The following LRBA variants were observed in gnomAD, a reference collection of about 807,000 sequenced individuals.
The protein encoded by LRBA is lipopolysaccharide-responsive and beige-like anchor protein.
Under a neutral mutation model 330.0 loss-of-function variants are expected in LRBA, and 176 were observed. The ratio of observed to expected loss-of-function variants is 0.53; its 90% confidence interval spans 0.47 to 0.60. The LOEUF (loss-of-function observed/expected upper bound fraction) is 0.60, where lower values mean the gene tolerates loss of function less well. Among genes scored for constraint, LRBA ranks in the 20% least tolerant of loss-of-function variants. The pLI is 0.00. For synonymous variants in LRBA, 1,230 were observed against 1,193.0 expected (o/e 1.03, Z -0.64); for missense variants, 3,259 against 3,444.8 (o/e 0.95, Z 1.35).
chr4:150,629,315 C>T (rs188818791), intron 37 of LRBA, among the ~76,000 whole-genome samples: 13 of 152,328 alleles, frequency 8.5e-5, no homozygotes, highest in Admixed American at 6.5e-4. Context: ...TAAACTACAA[C>T]GGCCCACCAA....
chr4:150,324,246 C>T (rs542279715), intron 49 of LRBA, among the ~76,000 whole-genome samples: 1 of 152,290 alleles, frequency 6.6e-6, no homozygotes, highest in Non-Finnish European at 1.5e-5. Flanking sequence ...TTCCATTTGC[C>T]AGCACCAATG....
chr4:150,439,059 C>T (rs1017071678), intron 44 of LRBA, among the ~76,000 whole-genome samples: 5 of 151,988 alleles, frequency 3.3e-5, no homozygotes, highest in Admixed American at 2.6e-4. Flanking sequence ...GTTACAGAAC[C>T]AATTTGAAAT....
chr4:150,411,849 A>G (rs1747055699), intron 47 of LRBA, among the ~76,000 whole-genome samples: 3 of 152,218 alleles, frequency 2.0e-5, no homozygotes, highest in African/African-American at 7.2e-5. Flanking sequence ...CATGAGCTGC[A>G]ATCATTGCAT....
intron 40 of LRBA, among the ~76,000 whole-genome samples, chr4:150,549,665 T>C (rs1766335972): frequency 6.6e-6 from 1 of 152,228 alleles, no homozygotes; most frequent in African/African-American, 2.4e-5. Flanking sequence ...TAAAGTATTA[T>C]ATCAGTTGAG....
intron 54 of LRBA, among the ~76,000 whole-genome samples, chr4:150,285,344 G>A (rs1012861866): frequency 6.6e-6 from 1 of 152,214 alleles, no homozygotes; most frequent in Non-Finnish European, 1.5e-5. Flanking sequence ...CTGATTTGTT[G>A]CATGTGCTCT....
chr4:151,009,707 G>A (rs1000240561), intron 2 of LRBA, among the ~76,000 whole-genome samples: 4 of 152,100 alleles, frequency 2.6e-5, no homozygotes, highest in East Asian at 1.9e-4. Flanking sequence ...AGAGCAAGGC[G>A]CGGTGGCTCA....
rs1248812494 is a variant in LRBA, at chr4:150,949,036, TA to T, written c.217-19972del. On this transcript the variant is annotated intron_variant, in intron 2 of 56. Transcript: ENST00000651943. ...ATGAAAAAGTTTGGTAATTTCTATTTAAAAAAAAAAAACTAAATATGCACCT... is the reference window on the plus strand; with the variant it reads ...ATGAAAAAGTTTGGTAATTTCTATTTAAAAAAAAAAACTAAATATGCACCT... Among the ~76,000 whole-genome samples the T allele has an allele frequency of 1.6e-3, 233 of 144,938 alleles. 1 individual carries two copies. The highest frequency in any genetic ancestry group is 2.9e-3 in the Non-Finnish European group (187 of 65,398).
At chr4:150,422,786 G>T (rs1749002961) in intron 46 of LRBA, 6 of 1,451,184 alleles carry the variant, frequency 4.1e-6, no homozygotes, top group Non-Finnish European at 4.8e-6. Context: ...GTTCTTTCTG[G>T]TAGACCTGCA....
intron 38 of LRBA, 134 bp downstream of exon 38, chr4:150,598,873 T>C: frequency 9.7e-7 from 1 of 1,029,750 alleles, no homozygotes; most frequent in Non-Finnish European, 1.4e-6. Flanking sequence ...AAAATTTAAC[T>C]TCTCTTTCTG....
intron 40 of LRBA, among the ~76,000 whole-genome samples, chr4:150,559,678 A>T (rs867391265): frequency 7.0e-4 from 59 of 84,036 alleles, no homozygotes; most frequent in African/African-American, 1.1e-3. Flanking sequence ...TATATTATAT[A>T]ATATATTATA....
At chr4:150,835,442 G>A (rs925898156) in intron 28 of LRBA, among the ~76,000 whole-genome samples, 10 of 152,188 alleles carry the variant, frequency 6.6e-5, no homozygotes, top group African/African-American at 2.4e-4. Context: ...CATGAGCATG[G>A]AATGTTTTTC....
At chr4:150,954,430 C>A (rs1238461405) in intron 2 of LRBA, among the ~76,000 whole-genome samples, 5 of 152,168 alleles carry the variant, frequency 3.3e-5, no homozygotes, top group Non-Finnish European at 5.9e-5. Context: ...AGGAAAAATT[C>A]TTCTGCCTTG....
intron 41 of LRBA, among the ~76,000 whole-genome samples, chr4:150,489,252 T>C (rs1438146912): frequency 1.6e-5 from 1 of 60,958 alleles, no homozygotes; most frequent in African/African-American, 6.8e-5. Flanking sequence ...ATATATAATA[T>C]ATTATATATA....
At chr4:150,696,386 C>T (rs1034631599) in intron 36 of LRBA, among the ~76,000 whole-genome samples, 1 of 152,180 alleles carries the variant, frequency 6.6e-6, no homozygotes, top group Admixed American at 6.5e-5. Flanking sequence ...GGTTTTGACA[C>T]ATTCATGCTT....
At chr4:150,828,763 T>G in intron 29 of LRBA, 142 bp from the exon 30 acceptor site, 1 of 672,320 alleles carries the variant, frequency 1.5e-6, no homozygotes, top group Non-Finnish European at 2.5e-6. Flanking sequence ...ACTAATTACG[T>G]ATTCTACAGA....
chr4:150,607,705 C>T (rs1774799827), intron 37 of LRBA, among the ~76,000 whole-genome samples: 1 of 151,648 alleles, frequency 6.6e-6, no homozygotes, highest in Non-Finnish European at 1.5e-5. Context: ...AGTTCAAGAC[C>T]AGCCTGGCCA....
intron 5 of LRBA, among the ~76,000 whole-genome samples, chr4:150,918,726 G>A (rs1732922752): frequency 6.6e-6 from 1 of 152,200 alleles, no homozygotes; most frequent in Non-Finnish European, 1.5e-5. Flanking sequence ...TCCAGCCTGG[G>A]TGACAGAGCA....
intron 47 of LRBA, among the ~76,000 whole-genome samples, chr4:150,394,483 A>G (rs980864163): frequency 6.6e-6 from 1 of 152,226 alleles, no homozygotes; most frequent in Admixed American, 6.6e-5. Flanking sequence ...GTCACTATTT[A>G]CAAGTAACGG....
At chr4:150,918,312 T>C (rs968276547) in intron 5 of LRBA, among the ~76,000 whole-genome samples, 3 of 152,158 alleles carry the variant, frequency 2.0e-5, no homozygotes, top group Admixed American at 6.5e-5. Flanking sequence ...GATCTAAATA[T>C]ACATATCTCC....
Sources: gnomAD v4.1 joint callset for allele counts (sites outside exome capture counted in the v4.1 genomes callset) on GRCh38, gnomAD v4.1.1 for gene constraint, MANE v1.5 for transcripts, NCBI Gene and HGNC (gene_info 2026-07-23, HGNC 2026-07-21) for gene names.